The following TYMS variants were observed in gnomAD, a reference collection of about 807,000 sequenced individuals.
The protein encoded by TYMS is thymidylate synthase.
Under a neutral mutation model 39.3 loss-of-function variants are expected in TYMS, and 21 were observed. The observed-to-expected ratio is 0.54, with a 90% CI of 0.38 to 0.77. The LOEUF (loss-of-function observed/expected upper bound fraction) is 0.77. Among genes scored for constraint, TYMS ranks in the 30% least tolerant of loss-of-function variants. The pLI, the probability that TYMS is intolerant of heterozygous loss-of-function variation, is 0.00. For missense variants in TYMS, 273 were observed against 406.7 expected (o/e 0.67, Z 2.83); for synonymous variants, 171 against 162.2 (o/e 1.05, Z -0.41).
At chr18:668,989 CTG>C (rs2074921870) in intron 3 of TYMS, 81 bp from the exon 4 acceptor site, 1 of 1,159,800 alleles carries the variant, frequency 8.6e-7, no homozygotes, top group African/African-American at 1.5e-5. Flanking sequence ...GGGTAAGAGA[CTG>C]TAATAGATGA....
chr18:657,865 C>A lies in TYMS; in HGVS notation c.123C>A (p.Leu41=). ...ACCTGGGGCAGATCCAACACATCCT[C>A]CGCTGCGGCGTCAGGAAGGACGACC... ...LQYLGQIQHI[L]RCGVRKDDRT... The change falls in exon 1 of 7, where the codon CTC becomes CTA. Residue 41 remains leucine, a synonymous_variant. Transcript: ENST00000323274. 7.3e-6 allele frequency: 11 copies of A among 1,508,944 alleles called. No individual in the cohort carries two copies. Among genetic ancestry groups the A allele is most frequent in the Non-Finnish European group, 8.8e-6 (10 of 1,135,832 alleles). 93.5% of individuals were successfully genotyped at this position (1,508,944 alleles called of 1,614,324 possible). A position where few individuals can be genotyped will look rare whatever the true frequency, so the allele number is the denominator to read the frequency against.
chr18:658,250 G>A lies in TYMS; in HGVS notation c.205+303G>A, dbSNP rs2074713993. 1.4e-6 allele frequency: 2 copies of A among 1,475,538 alleles called. No homozygotes were observed. The highest frequency in any genetic ancestry group is 1.8e-6 in the Non-Finnish European group (2 of 1,098,282). The allele number at this position is 1,475,538 out of a possible 1,614,324, so 91.4% of individuals were successfully genotyped here. A position where few individuals can be genotyped will look rare whatever the true frequency, so the allele number is the denominator to read the frequency against. ...GTGGCCCCCGAGGCGGGCGTCATCGGGCAGCGTTTGCCCAGTGCTGGAGGG... is the reference window on the plus strand; with the variant it reads ...GTGGCCCCCGAGGCGGGCGTCATCGAGCAGCGTTTGCCCAGTGCTGGAGGG... On this transcript the variant is annotated intron_variant, in intron 1 of 6. Transcript: ENST00000323274. The surrounding 1 kb of genome is among the most constrained non-coding windows in gnomAD (Gnocchi z 4.5).
Position 670,457 on chromosome 18 carries a change from G to A in TYMS, c.557-235G>A, listed in dbSNP as rs1321084779. On this transcript the variant is annotated intron_variant, in intron 4 of 6. Transcript: ENST00000323274. ...CCAGATCCCTTCAGCTCTGATGGAA[G>A]AGCATTGCTTCAGCCGTAAATGGAC... 5.7e-6 allele frequency: 3 copies of A among 523,600 alleles called. No homozygotes were observed. In the East Asian group the frequency reaches 9.5e-5, roughly 17 times the overall value. 32.4% of individuals were successfully genotyped at this position (523,600 alleles called of 1,614,324 possible). A position where few individuals can be genotyped will look rare whatever the true frequency, so the allele number is the denominator to read the frequency against.
intron 3 of TYMS, 75 bp from the exon 4 acceptor site, chr18:668,997 G>A (rs2074922130): frequency 1.6e-6 from 2 of 1,255,638 alleles, no homozygotes; most frequent in Non-Finnish European, 2.3e-6. Flanking sequence ...GACTGTAATA[G>A]ATGACCTCTA....
rs751931801 is a variant in TYMS, at chr18:672,897, T to C, written c.842T>C (p.Ile281Thr). 2 of 1,597,758 alleles carry C rather than the reference T, an allele frequency of 1.3e-6. No homozygotes were observed. Among genetic ancestry groups the C allele is most frequent in the Non-Finnish European group, 1.7e-6 (2 of 1,167,094 alleles). ...CCCAGACCTTTCCCAAAGCTCAGGA[T>C]TCTTCGAAAAGTTGAGAAAATTGAT... ...REPRPFPKLR[I>T]LRKVEKIDDF... Residue 281 changes from isoleucine (I) to threonine (T), a missense_variant, in exon 7 of 7, where the codon ATT becomes ACT. Transcript: ENST00000323274.
rs1364607942 is a variant in TYMS at position 658,573 on chromosome 18, G to A, written c.205+626G>A. The A allele has an allele frequency of 2.7e-5, 7 of 254,854 alleles. No individual in the cohort carries two copies. Among genetic ancestry groups the A allele is most frequent in the Non-Finnish European group, 3.8e-5 (5 of 132,262 alleles). The allele number at this position is 254,854 out of a possible 1,614,324, so 15.8% of individuals were successfully genotyped here. A position where few individuals can be genotyped will look rare whatever the true frequency, so the allele number is the denominator to read the frequency against. On this transcript the variant is annotated intron_variant, in intron 1 of 6. Coordinates refer to ENST00000323274, the MANE Select transcript of TYMS (RefSeq NM_001071.4). This position sits in a 1 kb window ranked among gnomAD's most constrained non-coding sequence, Gnocchi z 4.5. The stretch of plus-strand genomic sequence containing the variant: ...AGTCGTCCTTTCCTCTTTCCTTTCC[G>A]ACAGGAGCACCCCAGGCAAAAAATG...
In TYMS at chr18:657,866, C is replaced by T. The variant is rs780327998; in HGVS notation, c.124C>T (p.Arg42Cys). 7 of 1,508,956 alleles carry T rather than the reference C, an allele frequency of 4.6e-6. No homozygotes were observed. Among genetic ancestry groups the T allele is most frequent in the East Asian group, 4.7e-5 (2 of 42,224 alleles). The allele number at this position is 1,508,956 out of a possible 1,614,324, so 93.5% of individuals were successfully genotyped here. A position where few individuals can be genotyped will look rare whatever the true frequency, so the allele number is the denominator to read the frequency against. Residue 42 changes from arginine to cysteine, a missense_variant, in exon 1 of 7, where the codon CGC becomes TGC. By Grantham distance (180) the Arg-to-Cys change is radical (BLOSUM62 -3). Transcript: ENST00000323274. ...CCTGGGGCAGATCCAACACATCCTC[C>T]GCTGCGGCGTCAGGAAGGACGACCG... ...QYLGQIQHILRCGVRKDDRTG... is the reference protein window; with the variant it reads ...QYLGQIQHILCCGVRKDDRTG...
chr18:662,056 G>A, intron 2 of TYMS, 90 bp from the exon 3 acceptor site: 1 of 1,387,448 alleles, frequency 7.2e-7, no homozygotes, highest in Non-Finnish European at 9.7e-7. Context: ...GCAGGGGCCA[G>A]AGGCCCTTGT....
chr18:659,298 G>A (rs2144257369), intron 1 of TYMS, among the ~76,000 whole-genome samples: 1 of 152,276 alleles, frequency 6.6e-6, no homozygotes, highest in African/African-American at 2.4e-5. Context: ...CATGCTTGGT[G>A]TTGTCTTCAC....
chr18:671,030 T>C, intron 5 of TYMS, 163 bp downstream of exon 5: 2 of 843,976 alleles, frequency 2.4e-6, no homozygotes, highest in Non-Finnish European at 3.6e-6. Flanking sequence ...CTTCCTCTTC[T>C]GGAAGGTTTT....
chr18:670,659 A>G lies in TYMS; in HGVS notation c.557-33A>G, dbSNP rs562136578. On this transcript the variant is annotated intron_variant, in intron 4 of 6. Transcript: ENST00000323274. ...TTTAGCTGTGGTCTTTCAAACCACC[A>G]TCCCTCCTTATCTTCCTCTGCTGGT... The G allele has an allele frequency of 3.1e-6, 5 of 1,609,152 alleles. No homozygotes were observed. The African/African-American group carries it at 5.3e-5, about 17-fold the overall frequency.
Position 660,103 on chromosome 18 carries a change from T to C in TYMS, c.279+389T>C, listed in dbSNP as rs1465431833. On this transcript the variant is annotated intron_variant, in intron 2 of 6. Transcript: ENST00000323274. This position sits in a 1 kb window ranked among gnomAD's most constrained non-coding sequence, Gnocchi z 4.6. ...AAAGACACCACCAAAGGTCAAAGCA[T>C]ATCATTCCTCACCCTCAAGCCCTTA... is the stretch of plus-strand genomic sequence containing the variant. Among the ~76,000 whole-genome samples, 1 of 152,092 alleles carries C rather than the reference T, an allele frequency of 6.6e-6. No homozygotes were observed. The highest frequency in any genetic ancestry group is 2.1e-4 in the South Asian group (1 of 4,828).
rs2075143531 is a variant in TYMS at position 673,135 on chromosome 18, T to G, written c.*138T>G. The G allele has an allele frequency of 1.0e-6, 1 of 982,756 alleles. No homozygotes were observed. Among genetic ancestry groups the G allele is most frequent in the East Asian group, 2.5e-5 (1 of 39,782 alleles). The allele number at this position is 982,756 out of a possible 1,614,324, so 60.9% of individuals were successfully genotyped here. ...CCGTGACCTATCAGTTATTAATTTT[T>G]AAGGATGTTGCCACTGGCAAATGTA... On this transcript the variant is annotated 3_prime_UTR_variant, in exon 7 of 7. Transcript: ENST00000323274.
Position 659,702 on chromosome 18 carries a change from G to C in TYMS, c.267G>C (p.Leu89=). Residue 89 remains leucine (L), a synonymous_variant, in exon 2 of 7, where the codon CTG becomes CTC. Coordinates refer to ENST00000323274, the MANE Select transcript of TYMS (RefSeq NM_001071.4). ...VFWKGVLEEL[L]WFIKGSTNAK... ...GGAAGGGTGTTTTGGAGGAGTTGCT[G>C]TGGTTTATCAAGGTAAAGAAGTCGC... is the stretch of plus-strand genomic sequence containing the variant. 1 of 1,614,064 alleles carries C rather than the reference G, an allele frequency of 6.2e-7. No individual in the cohort carries two copies. Among genetic ancestry groups the C allele is most frequent in the Non-Finnish European group, 8.5e-7 (1 of 1,179,884 alleles).
In TYMS at chr18:658,593, A is replaced by G; in HGVS notation, c.205+646A>G. The G allele has an allele frequency of 4.0e-6, 1 of 253,054 alleles. No individual in the cohort carries two copies. Among genetic ancestry groups the G allele is most frequent in the Non-Finnish European group, 7.7e-6 (1 of 129,522 alleles). The allele number at this position is 253,054 out of a possible 1,614,324, so 15.7% of individuals were successfully genotyped here. Reference sequence around the variant, plus strand: ...TTTCCGACAGGAGCACCCCAGGCAAAAAATGTCTCGCGGGTCATTGGCGCC... The same window carrying G: ...TTTCCGACAGGAGCACCCCAGGCAAGAAATGTCTCGCGGGTCATTGGCGCC... On this transcript the variant is annotated intron_variant, in intron 1 of 6. Coordinates refer to ENST00000323274, the MANE Select transcript of TYMS (RefSeq NM_001071.4). The surrounding 1 kb of genome is among the most constrained non-coding windows in gnomAD (Gnocchi z 4.5).
rs1256458655 is a variant in TYMS, at chr18:673,141, T to A, written c.*144T>A. 1.1e-6 allele frequency: 1 copy of A among 883,758 alleles called. No individual in the cohort carries two copies. The highest frequency in any genetic ancestry group is 1.6e-6 in the Non-Finnish European group (1 of 617,728). The allele number at this position is 883,758 out of a possible 1,614,324, so 54.7% of individuals were successfully genotyped here. A position where few individuals can be genotyped will look rare whatever the true frequency, so the allele number is the denominator to read the frequency against. On this transcript the variant is annotated 3_prime_UTR_variant, in exon 7 of 7. Transcript: ENST00000323274. ...CCTATCAGTTATTAATTTTTAAGGA[T>A]GTTGCCACTGGCAAATGTAACTGTG...
At chr18:666,778 C>G (rs922709295) in intron 3 of TYMS, among the ~76,000 whole-genome samples, 18 of 152,230 alleles carry the variant, frequency 1.2e-4, no homozygotes, top group African/African-American at 4.3e-4. Context: ...TAGGCAAGTT[C>G]TTAAAGGCAG....
chr18:667,151 ATGGT>A (rs1567990096), intron 3 of TYMS, among the ~76,000 whole-genome samples: 2 of 99,774 alleles, frequency 2.0e-5, no homozygotes, highest in Admixed American at 9.0e-5. Flanking sequence ...GGTGATGGTG[ATGGT>A]GATGGAGATG....
At chr18:667,710 C>T (rs1335276390) in intron 3 of TYMS, 1 of 152,140 alleles carries the variant, frequency 6.6e-6, no homozygotes. Context: ...TGTACTTTAT[C>T]ACAATGAAAA....
Sources: allele counts gnomAD v4.1 joint callset (sites outside exome capture counted in the v4.1 genomes callset), GRCh38; gene constraint gnomAD v4.1.1; non-coding constraint Gnocchi (gnomAD v3.1); transcripts MANE v1.5; gene names NCBI Gene and HGNC (gene_info 2026-07-23, HGNC 2026-07-21).